SLC22A25: variants seen among roughly 807,000 people sequenced by gnomAD.
SLC22A25 encodes the protein solute carrier family 22 member 25.
In SLC22A25, 44 loss-of-function variants were observed where a neutral mutation model predicts 45.9. The observed-to-expected ratio is 0.96, with a 90% confidence interval of 0.75 to 1.23. The LOEUF (loss-of-function observed/expected upper bound fraction) is 1.23, where lower values mean the gene tolerates loss of function less well. SLC22A25 is among the 50% of genes most tolerant of loss of function. The pLI is 0.00. For synonymous variants in SLC22A25, 283 were observed against 238.6 expected (o/e 1.19, Z -1.72); for missense variants, 800 against 666.4 (o/e 1.20, Z -2.21).
intron 7 of SLC22A25, 124 bp from the exon 8 acceptor site, chr11:63,183,941 A>G (rs2134738631): frequency 1.5e-6 from 2 of 1,338,758 alleles, no homozygotes; most frequent in East Asian, 4.7e-5. Context: ...TATACCAGGA[A>G]ATAAAAGCCT....
chr11:63,200,849 C>T (rs1331690508), intron 7 of SLC22A25, among the ~76,000 whole-genome samples: 2 of 152,120 alleles, frequency 1.3e-5, no homozygotes, highest in African/African-American at 4.8e-5. Flanking sequence ...CACTAGCATT[C>T]CTGTACACCA....
At chr11:63,217,155 G>A (rs1249341391) in intron 7 of SLC22A25, among the ~76,000 whole-genome samples, 159 bp downstream of exon 7, 2 of 152,060 alleles carry the variant, frequency 1.3e-5, no homozygotes, top group Non-Finnish European at 2.9e-5. Context: ...ATTTCATCAG[G>A]AAACCCTTTG....
At chr11:63,197,976 G>T (rs2089109941) in intron 7 of SLC22A25, among the ~76,000 whole-genome samples, 1 of 152,198 alleles carries the variant, frequency 6.6e-6, no homozygotes, top group Non-Finnish European at 1.5e-5. Context: ...ATGAAAAAAT[G>T]CTCATCATCA....
At chr11:63,242,956 A>G (rs1330371411) in intron 1 of SLC22A25, 1 of 153,600 alleles carries the variant, frequency 6.5e-6, no homozygotes, top group Non-Finnish European at 1.5e-5. Flanking sequence ...TCCTCTGAAA[A>G]CCCCCTATTG....
chr11:63,177,629 C>T (rs890642278), intron 9 of SLC22A25, among the ~76,000 whole-genome samples: 15 of 151,596 alleles, frequency 9.9e-5, no homozygotes, highest in Non-Finnish European at 1.5e-5. Context: ...TTTTTTAGCT[C>T]TCACATATGA....
chr11:63,210,674 G>A (rs1392093173), intron 7 of SLC22A25, among the ~76,000 whole-genome samples: 3 of 152,118 alleles, frequency 2.0e-5, no homozygotes, highest in African/African-American at 7.2e-5. Flanking sequence ...TGGTGTCTAT[G>A]GAAGTAGGGG....
Position 63,166,529 on chromosome 11 carries a change from T to C in SLC22A25, c.1071-271A>G, listed in dbSNP as rs189541302. On this transcript the variant is annotated intron_variant, in intron 9 of 11. Coordinates refer to ENST00000306494, the MANE Select transcript of SLC22A25 (RefSeq NM_199352.6). ...TATTTATTTTAAAAGCAATGGATTT[T>C]ATTAGTATTCTAAAACCAATGTAGC... The C allele has an allele frequency of 3.3e-4, 378 of 1,154,392 alleles. 1 individual carries two copies. The highest frequency in any genetic ancestry group is 8.4e-4 in the South Asian group (27 of 32,030). The allele number at this position is 1,154,392 out of a possible 1,614,324, so 71.5% of individuals were successfully genotyped here. A position where few individuals can be genotyped will look rare whatever the true frequency, so the allele number is the denominator to read the frequency against.
chr11:63,164,553 T>C lies in SLC22A25; in HGVS notation c.1367A>G (p.Glu456Gly). 2 of 1,613,828 alleles carry C rather than the reference T, an allele frequency of 1.2e-6. No individual in the cohort carries two copies. The highest frequency in any genetic ancestry group is 1.7e-4 in the Middle Eastern group (1 of 6,058). ...SLGITCSTAQ[E>G]NELIPSIIRG... ...GATTATGGAAGGAATTAGTTCATTT[T>C]CTTGGGCAGTAGAACAGGTAATGCC... Residue 456 changes from glutamate (E) to glycine (G), a missense_variant, in exon 11 of 12, where the codon GAA becomes GGA. Transcript: ENST00000306494.
chr11:63,185,666 T>C (rs1016611485), intron 7 of SLC22A25, among the ~76,000 whole-genome samples: 1 of 145,774 alleles, frequency 6.9e-6, no homozygotes, highest in African/African-American at 2.5e-5. Context: ...TAGCATTAGG[T>C]ATATCTCCCA....
intron 8 of SLC22A25, 58 bp downstream of exon 8, chr11:63,183,636 G>A: frequency 6.2e-7 from 1 of 1,606,682 alleles, no homozygotes; most frequent in Non-Finnish European, 8.5e-7. Context: ...ACACCAACAA[G>A]TATAGATGAC....
chr11:63,237,239 G>C (rs1370942521), intron 3 of SLC22A25, among the ~76,000 whole-genome samples: 1 of 152,098 alleles, frequency 6.6e-6, no homozygotes, highest in Non-Finnish European at 1.5e-5. Flanking sequence ...CCCCACTGTT[G>C]GGTACTGTGC....
chr11:63,171,958 C>A (rs1211616505), intron 9 of SLC22A25, among the ~76,000 whole-genome samples: 1 of 151,918 alleles, frequency 6.6e-6, no homozygotes, highest in Non-Finnish European at 1.5e-5. Flanking sequence ...AAATCAGATA[C>A]ATAGACCAAT....
Position 63,168,135 on chromosome 11 carries a change from G to T in SLC22A25, c.1071-1877C>A, listed in dbSNP as rs117745050. On this transcript the variant is annotated intron_variant, in intron 9 of 11. Coordinates refer to ENST00000306494, the MANE Select transcript of SLC22A25 (RefSeq NM_199352.6). ...AAGTAACATCAACATCAACAAAAAG[G>T]ATGCCCCCACAAAAACCCCATCCAA... 9.3e-4 allele frequency: 145 copies of T among 156,586 alleles called. 1 individual carries two copies. The East Asian group carries it at 0.024, about 26-fold the overall frequency. 9.7% of individuals were successfully genotyped at this position (156,586 alleles called of 1,614,324 possible).
chr11:63,231,994 C>A (rs150216042), intron 3 of SLC22A25, among the ~76,000 whole-genome samples: 5,535 of 152,190 alleles, frequency 0.036, 344 homozygotes, highest in African/African-American at 0.13. Flanking sequence ...TGGTCTATAT[C>A]TCTGTTTTGG....
At chr11:63,181,244 G>C (rs114742938) in intron 8 of SLC22A25, among the ~76,000 whole-genome samples, 4 of 151,966 alleles carry the variant, frequency 2.6e-5, no homozygotes, top group African/African-American at 7.3e-5. Flanking sequence ...TGGAGGTTTG[G>C]GAGTGGGGTA....
rs1347043415 is a variant in SLC22A25, at chr11:63,217,311, T to A, written c.830+3A>T. On this transcript the variant is annotated splice_donor_region_variant and intron_variant, in intron 7 of 11. Coordinates refer to ENST00000306494, the MANE Select transcript of SLC22A25 (RefSeq NM_199352.6). ...TGGCAAAAGAAGAATGCAAGCTCAA[T>A]ACCTTGAGAACAGAAAGAAGACAAA... 6.2e-7 allele frequency: 1 copy of A among 1,612,566 alleles called. No homozygotes were observed. Among genetic ancestry groups the A allele is most frequent in the Admixed American group, 1.7e-5 (1 of 59,678 alleles).
chr11:63,164,871 A>G (rs2087625719), intron 10 of SLC22A25, among the ~76,000 whole-genome samples: 1 of 152,204 alleles, frequency 6.6e-6, no homozygotes, highest in Non-Finnish European at 1.5e-5. Context: ...AATTCTCACT[A>G]TATATCAGGG....
chr11:63,207,938 A>G (rs2089452171), intron 7 of SLC22A25, among the ~76,000 whole-genome samples: 1 of 152,124 alleles, frequency 6.6e-6, no homozygotes, highest in South Asian at 2.1e-4. Context: ...AATGCTTAAA[A>G]GGTAACTTAA....
chr11:63,187,308 T>C (rs2088596341), intron 7 of SLC22A25, among the ~76,000 whole-genome samples: 1 of 152,230 alleles, frequency 6.6e-6, no homozygotes, highest in Non-Finnish European at 1.5e-5. Flanking sequence ...TTTGAAGCAG[T>C]TGCGAATGGG....
Sources: allele counts gnomAD v4.1 joint callset (sites outside exome capture counted in the v4.1 genomes callset), GRCh38; gene constraint gnomAD v4.1.1; transcripts MANE v1.5; gene names NCBI Gene and HGNC (gene_info 2026-07-23, HGNC 2026-07-21).